HPSE2: variants seen among roughly 807,000 people sequenced by gnomAD.
HPSE2 encodes inactive heparanase-2.
Under a neutral mutation model 60.5 loss-of-function variants are expected in HPSE2, and 38 were observed. The ratio of observed to expected loss-of-function variants is 0.63; its 90% confidence interval spans 0.48 to 0.82. The LOEUF is 0.82. Among genes scored for constraint, HPSE2 ranks in the 40% least tolerant of loss-of-function variants. HPSE2 has a pLI of 0.00. For synonymous variants in HPSE2, 295 were observed against 293.2 expected, an observed-to-expected ratio of 1.01 and a Z score of -0.06; for missense variants, 713 against 740.4, an observed-to-expected ratio of 0.96 and a Z score of 0.43.
intron 3 of HPSE2, among the ~76,000 whole-genome samples, chr10:98,932,927 G>C (rs1346874987): frequency 7.0e-6 from 1 of 143,154 alleles, no homozygotes; most frequent in African/African-American, 2.9e-5. Context: ...CAAAAACACA[G>C]CTCCTGGATT....
At chr10:98,489,191 C>T (rs1925649) in intron 10 of HPSE2, among the ~76,000 whole-genome samples, 2 of 152,204 alleles carry the variant, frequency 1.3e-5, no homozygotes, top group Non-Finnish European at 2.9e-5. Flanking sequence ...CCAGGGCAGC[C>T]TACTCTGCCT....
chr10:99,275,661 C>T, the HPSE2 span, among the ~76,000 whole-genome samples: 40 of 152,242 alleles, frequency 2.6e-4, no homozygotes, highest in African/African-American at 9.4e-4. Context: ...AAACTCCATC[C>T]CAAGGATATG....
chr10:98,841,201 T>C (rs555579022), intron 3 of HPSE2, among the ~76,000 whole-genome samples: 40 of 151,670 alleles, frequency 2.6e-4, no homozygotes, highest in African/African-American at 9.0e-4. Context: ...GAGGTTACAG[T>C]GAACCGAGAT....
intron 7 of HPSE2, among the ~76,000 whole-genome samples, chr10:98,636,670 A>C (rs974118580): frequency 6.6e-6 from 1 of 152,238 alleles, no homozygotes; most frequent in African/African-American, 2.4e-5. Flanking sequence ...GAAAGGAAGA[A>C]ATTTTTCAAA....
At chr10:99,287,945 G>A in the HPSE2 span, among the ~76,000 whole-genome samples, 1 of 152,196 alleles carries the variant, frequency 6.6e-6, no homozygotes, top group African/African-American at 2.4e-5. Flanking sequence ...CTAGTCATTG[G>A]ATTAAGACAG....
intron 3 of HPSE2, among the ~76,000 whole-genome samples, chr10:98,872,613 G>A (rs1326321310): frequency 6.6e-6 from 1 of 152,004 alleles, no homozygotes; most frequent in Non-Finnish European, 1.5e-5. Flanking sequence ...TAATCCATAG[G>A]AAATTAAATT....
chr10:98,714,733 T>G (rs1399061858), intron 5 of HPSE2, among the ~76,000 whole-genome samples: 1 of 151,954 alleles, frequency 6.6e-6, no homozygotes, highest in African/African-American at 2.4e-5. Flanking sequence ...TTAATTACAT[T>G]TAACATTTTA....
intron 3 of HPSE2, among the ~76,000 whole-genome samples, chr10:98,818,488 G>A (rs1292320035): frequency 6.6e-6 from 1 of 152,122 alleles, no homozygotes; most frequent in African/African-American, 2.4e-5. Context: ...TTGCTTGCCT[G>A]CTACTCACCT....
At chr10:99,268,022 G>A in the HPSE2 span, among the ~76,000 whole-genome samples, 1 of 152,116 alleles carries the variant, frequency 6.6e-6, no homozygotes, top group Non-Finnish European at 1.5e-5. Flanking sequence ...AAGTCAAGAT[G>A]AAGGAAAGAA....
At chr10:98,583,743 T>C (rs1944866391) in intron 9 of HPSE2, among the ~76,000 whole-genome samples, 1 of 152,250 alleles carries the variant, frequency 6.6e-6, no homozygotes, top group Non-Finnish European at 1.5e-5. Flanking sequence ...TATTTCATGT[T>C]CACACTACTT....
At chr10:99,183,513 C>G (rs1847857134) in intron 2 of HPSE2, among the ~76,000 whole-genome samples, 2 of 152,306 alleles carry the variant, frequency 1.3e-5, no homozygotes, top group Non-Finnish European at 2.9e-5. Context: ...CTCACAAGAT[C>G]ACCACACTAC....
chr10:99,218,832 T>A (rs945508282), intron 2 of HPSE2, among the ~76,000 whole-genome samples: 3 of 152,204 alleles, frequency 2.0e-5, no homozygotes, highest in Admixed American at 2.0e-4. Flanking sequence ...TCCTTTTGAA[T>A]CTACATCTCA....
At chr10:99,305,979 G>GCGCGCGCGCACACACACACACACA in the HPSE2 span, among the ~76,000 whole-genome samples, 41 of 80,564 alleles carry the variant, frequency 5.1e-4, no homozygotes, top group African/African-American at 7.6e-4. Context: ...GCGCGCGCGC[G>GCGCGCGCGCACACACACACACACA]CACACACACA....
chr10:99,257,421 G>T, the HPSE2 span, among the ~76,000 whole-genome samples: 1 of 152,284 alleles, frequency 6.6e-6, no homozygotes, highest in East Asian at 1.9e-4. Flanking sequence ...GCATCCCTGA[G>T]GGTAGGCCTC....
intron 3 of HPSE2, chr10:99,048,055 T>C: frequency 1.4e-6 from 1 of 699,626 alleles, no homozygotes; most frequent in Non-Finnish European, 2.6e-6. Context: ...TAGAACCATA[T>C]ATTGCATGGG....
chr10:99,003,287 A>G (rs1220118201), intron 3 of HPSE2, among the ~76,000 whole-genome samples: 2 of 152,066 alleles, frequency 1.3e-5, no homozygotes, highest in African/African-American at 2.4e-5. Context: ...ATATATGGCT[A>G]TTATGAATAA....
intron 6 of HPSE2, among the ~76,000 whole-genome samples, chr10:98,672,234 T>C (rs1947524909): frequency 6.6e-6 from 1 of 151,936 alleles, no homozygotes; most frequent in Admixed American, 6.6e-5. Flanking sequence ...GGGAAAAAAA[T>C]GACAGGAAAC....
At chr10:98,920,828 G>C (rs980329632) in intron 3 of HPSE2, among the ~76,000 whole-genome samples, 2 of 152,080 alleles carry the variant, frequency 1.3e-5, no homozygotes, top group Non-Finnish European at 2.9e-5. Flanking sequence ...GAGCTCCAGG[G>C]GCACAAGCAA....
In HPSE2 at chr10:98,564,724, T is replaced by C. The variant is rs548978951; in HGVS notation, c.1320+50180A>G. On this transcript the variant is annotated intron_variant, in intron 9 of 11. Coordinates refer to ENST00000370552, the MANE Select transcript of HPSE2 (RefSeq NM_021828.5). ...TAAACCAAACAAACATTTTAGGGGG[T>C]TTATAAATGAGTACTTATTTGTAGC... Among the ~76,000 whole-genome samples the C allele has an allele frequency of 3.3e-5, 5 of 152,136 alleles. No homozygotes were observed. In the East Asian group the frequency reaches 9.7e-4, roughly 29 times the overall value.
Sources: allele counts gnomAD v4.1 joint callset (sites outside exome capture counted in the v4.1 genomes callset), GRCh38; gene constraint gnomAD v4.1.1; transcripts MANE v1.5; gene names NCBI Gene and HGNC (gene_info 2026-07-23, HGNC 2026-07-21).